Variants in TRPC6 observed in about 807,000 individuals in gnomAD.
TRPC6 encodes short transient receptor potential channel 6.
Under a neutral mutation model 90.7 loss-of-function variants are expected in TRPC6, and 55 were observed. The ratio of observed to expected loss-of-function variants is 0.61; its 90% CI spans 0.49 to 0.76. The LOEUF (loss-of-function observed/expected upper bound fraction) is 0.76. TRPC6 is among the 30% of genes least tolerant of loss of function. The pLI is 0.00. For missense variants in TRPC6, 989 were observed against 1,122.7 expected (o/e 0.88, Z 1.70); for synonymous variants, 393 against 393.0 (o/e 1.00, Z 0.00).
chr11:101,547,080 G>C (rs1327231797), intron 1 of TRPC6, among the ~76,000 whole-genome samples: 1 of 152,216 alleles, frequency 6.6e-6, no homozygotes, highest in Non-Finnish European at 1.5e-5. Flanking sequence ...GTCAGAAAGA[G>C]GTCCATGGGA....
chr11:101,583,806 C>T lies in TRPC6; in HGVS notation c.-303G>A. 5.9e-6 allele frequency: 2 copies of T among 341,340 alleles called. No homozygotes were observed. 21.1% of individuals were successfully genotyped at this position (341,340 alleles called of 1,614,324 possible). A position where few individuals can be genotyped will look rare whatever the true frequency, so the allele number is the denominator to read the frequency against. Reference sequence around the variant, plus strand: ...GGCAGAGAGGGCACAGGCGGGGCCGCTGGTGGTAGCGAAGCGTAAGAGCGG... The same window carrying T: ...GGCAGAGAGGGCACAGGCGGGGCCGTTGGTGGTAGCGAAGCGTAAGAGCGG... On this transcript the variant is annotated 5_prime_UTR_variant, in exon 1 of 13. Transcript: ENST00000344327.
intron 1 of TRPC6, among the ~76,000 whole-genome samples, chr11:101,559,617 T>C (rs955566049): frequency 4.0e-5 from 6 of 149,626 alleles, no homozygotes; most frequent in East Asian, 3.9e-4. Context: ...CCTAAGAGCA[T>C]CCACTATAAT....
intron 2 of TRPC6, among the ~76,000 whole-genome samples, chr11:101,496,248 G>A (rs1344112744): frequency 6.6e-6 from 1 of 152,144 alleles, no homozygotes; most frequent in Non-Finnish European, 1.5e-5. Context: ...GATTTGGGCA[G>A]GGACACAAAT....
At chr11:101,466,745 C>T (rs1404019719) in intron 10 of TRPC6, among the ~76,000 whole-genome samples, 1 of 152,122 alleles carries the variant, frequency 6.6e-6, no homozygotes, top group African/African-American at 2.4e-5. Flanking sequence ...CCAGGCACCA[C>T]TGGGGTATGG....
intron 10 of TRPC6, among the ~76,000 whole-genome samples, chr11:101,468,124 C>T (rs1336935271): frequency 6.6e-6 from 1 of 152,214 alleles, no homozygotes; most frequent in Non-Finnish European, 1.5e-5. Context: ...TCAGCCCATG[C>T]GGCCCCATTG....
intron 4 of TRPC6, among the ~76,000 whole-genome samples, chr11:101,487,175 A>C (rs1859696107): frequency 6.6e-6 from 1 of 152,150 alleles, no homozygotes; most frequent in Non-Finnish European, 1.5e-5. Flanking sequence ...TTTCGAACAC[A>C]CTGGTTATGG....
chr11:101,481,433 C>T (rs1859548365), intron 5 of TRPC6, among the ~76,000 whole-genome samples: 1 of 152,172 alleles, frequency 6.6e-6, no homozygotes, highest in Admixed American at 6.5e-5. Flanking sequence ...AGGGATCATA[C>T]TTTCTATTAC....
chr11:101,509,288 G>A (rs1048156469), intron 1 of TRPC6, among the ~76,000 whole-genome samples: 2 of 151,662 alleles, frequency 1.3e-5, no homozygotes, highest in Non-Finnish European at 2.9e-5. Context: ...TTTTATAGAT[G>A]GGGTCTCGCC....
intron 1 of TRPC6, among the ~76,000 whole-genome samples, chr11:101,578,103 A>G (rs535501293): frequency 1.3e-5 from 2 of 152,294 alleles, no homozygotes; most frequent in South Asian, 2.1e-4. Context: ...TCTCTCTGCT[A>G]GGCACTGTGT....
chr11:101,571,292 A>G (rs1861958484), intron 1 of TRPC6, among the ~76,000 whole-genome samples: 1 of 152,162 alleles, frequency 6.6e-6, no homozygotes, highest in Admixed American at 6.6e-5. Flanking sequence ...AGAATAAAAT[A>G]CCTAGGAATC....
At chr11:101,501,080 A>C (rs919626440) in intron 2 of TRPC6, among the ~76,000 whole-genome samples, 2 of 145,926 alleles carry the variant, frequency 1.4e-5, no homozygotes, top group African/African-American at 5.1e-5. Context: ...AAGGGAGCAA[A>C]ATACATACAT....
At chr11:101,498,303 A>G (rs1303298432) in intron 2 of TRPC6, among the ~76,000 whole-genome samples, 22 of 152,200 alleles carry the variant, frequency 1.4e-4, no homozygotes, top group Admixed American at 1.4e-3. Context: ...TAAAGATTCA[A>G]TATAAAAACT....
At chr11:101,482,025 T>C (rs1399630469) in intron 5 of TRPC6, among the ~76,000 whole-genome samples, 2 of 152,208 alleles carry the variant, frequency 1.3e-5, no homozygotes, top group African/African-American at 2.4e-5. Context: ...AAGTACCACA[T>C]TGAAGATACT....
chr11:101,483,198 C>A (rs1430865387), intron 4 of TRPC6, 33 bp from the exon 5 acceptor site: 1 of 1,611,556 alleles, frequency 6.2e-7, no homozygotes, highest in Non-Finnish European at 8.5e-7. Context: ...AAAATCTTAA[C>A]TTTGTTTTGT....
chr11:101,476,130 G>T (rs1019951156), intron 6 of TRPC6, among the ~76,000 whole-genome samples, 171 bp downstream of exon 6: 1 of 152,146 alleles, frequency 6.6e-6, no homozygotes. Flanking sequence ...AAAATCAAAT[G>T]AAGCAGCAGA....
intron 2 of TRPC6, among the ~76,000 whole-genome samples, chr11:101,495,940 G>C (rs1260865615): frequency 2.6e-5 from 4 of 152,040 alleles, no homozygotes; most frequent in Non-Finnish European, 5.9e-5. Context: ...ACCTGAGACT[G>C]GGTAATTTAG....
intron 11 of TRPC6, 95 bp downstream of exon 11, chr11:101,454,923 T>G (rs1858848899): frequency 1.2e-5 from 11 of 946,068 alleles, no homozygotes; most frequent in African/African-American, 1.7e-5. Context: ...TATTTGATAT[T>G]GAGAAAAATA....
chr11:101,491,833 A>ATTGTTTTTT (rs200869151), intron 2 of TRPC6, 95 bp from the exon 3 acceptor site: 1 of 764,510 alleles, frequency 1.3e-6, no homozygotes. Context: ...TAAGAGAAAC[A>ATTGTTTTTT]TTCTTTTTTT....
Position 101,499,585 on chromosome 11 carries a change from C to CAT in TRPC6, c.945+4438_945+4439insAT, listed in dbSNP as rs1565218392. ...TATATACATAAATGGTGTATATATA[C>CAT]GTATATATATACGTATATATGGTAT... On this transcript the variant is annotated intron_variant, in intron 2 of 12. Transcript: ENST00000344327. 1.7e-3 allele frequency among the ~76,000 whole-genome samples: 116 copies of CAT among 66,780 alleles called. 4 individuals are homozygous for CAT. The highest frequency in any genetic ancestry group is 4.6e-3 in the African/African-American group (63 of 13,614). The allele number at this position is 66,780 out of a possible 152,430, so 43.8% of individuals were successfully genotyped here. A position where few individuals can be genotyped will look rare whatever the true frequency, so the allele number is the denominator to read the frequency against.
Sources: allele counts gnomAD v4.1 joint callset (sites outside exome capture counted in the v4.1 genomes callset), GRCh38; gene constraint gnomAD v4.1.1; transcripts MANE v1.5; gene names NCBI Gene and HGNC (gene_info 2026-07-23, HGNC 2026-07-21).